Variants in STK31 observed in about 807,000 individuals in gnomAD.
STK31 encodes the protein serine/threonine-protein kinase 31.
STK31 carries 89 observed loss-of-function variants against 129.7 expected under a neutral mutation model. The observed-to-expected ratio is 0.69, with a 90% CI of 0.58 to 0.82. STK31 has a LOEUF of 0.82. Ranked by LOEUF, STK31 falls within the 40% of genes least tolerant of loss-of-function variation. The pLI, the probability that STK31 is intolerant of heterozygous loss-of-function variation, is 0.00. For synonymous variants in STK31, 448 were observed against 395.3 expected, an observed-to-expected ratio of 1.13 and a Z score of -1.58; for missense variants, 1,187 against 1,176.4, an observed-to-expected ratio of 1.01 and a Z score of -0.13.
chr7:23,767,530 C>G (rs1184872678), intron 11 of STK31, among the ~76,000 whole-genome samples: 28 of 152,206 alleles, frequency 1.8e-4, no homozygotes, highest in Admixed American at 1.8e-3. Context: ...TCTATTCCCT[C>G]TGCCTCAGCT....
intron 11 of STK31, among the ~76,000 whole-genome samples, chr7:23,765,025 A>G (rs1368031291): frequency 6.6e-6 from 1 of 151,716 alleles, no homozygotes; most frequent in African/African-American, 2.4e-5. Context: ...TAACACTGCA[A>G]CATCTTTTCT....
chr7:23,787,132 T>C (rs1259439745), intron 20 of STK31, among the ~76,000 whole-genome samples: 2 of 152,126 alleles, frequency 1.3e-5, no homozygotes, highest in Non-Finnish European at 2.9e-5. Context: ...TTGCACAGGG[T>C]CCGTTAGCCA....
chr7:23,812,576 A>G (rs991990509), intron 22 of STK31, among the ~76,000 whole-genome samples: 3 of 151,932 alleles, frequency 2.0e-5, no homozygotes, highest in Admixed American at 6.6e-5. Context: ...ACACAGGTAT[A>G]TTGTTTAATG....
intron 22 of STK31, among the ~76,000 whole-genome samples, chr7:23,796,206 C>A (rs998763443): frequency 2.0e-5 from 3 of 152,160 alleles, no homozygotes. Context: ...CCATACTGTT[C>A]TCATGACTTT....
chr7:23,774,127 C>T (rs1373421912), intron 15 of STK31, among the ~76,000 whole-genome samples: 1 of 152,126 alleles, frequency 6.6e-6, no homozygotes. Flanking sequence ...TTTTTTATGG[C>T]TGCATAGTAT....
intron 20 of STK31, among the ~76,000 whole-genome samples, chr7:23,787,324 T>G (rs1041594022): frequency 6.6e-5 from 10 of 152,180 alleles, no homozygotes; most frequent in African/African-American, 2.4e-4. Context: ...GAGGCCCTGA[T>G]TCTTCTTATG....
Position 23,762,802 on chromosome 7 carries a change from G to A in STK31, c.1295G>A (p.Ser432Asn). 1 of 1,609,970 alleles carries A rather than the reference G, an allele frequency of 6.2e-7. No homozygotes were observed. The highest frequency in any genetic ancestry group is 8.5e-7 in the Non-Finnish European group (1 of 1,178,698). The stretch of plus-strand genomic sequence containing the variant: ...GTTATTCTTTTTTTCTTCCTCCAGA[G>A]TGAAGGGAATATTTTGATTGCCCAA... ...QENIKTCEYVSEGNILIAQRN... is the reference protein window; with the variant it reads ...QENIKTCEYVNEGNILIAQRN... Residue 432 changes from serine to asparagine, a missense_variant and splice_region_variant, in exon 11 of 24, where the codon AGT (serine) becomes AAT (asparagine). Ser to Asn is a conservative substitution (Grantham distance 46). This residue lies in a region of STK31 where 975 missense variants were observed against 934.9 expected (regional missense o/e 1.04). Transcript: ENST00000355870.
intron 22 of STK31, among the ~76,000 whole-genome samples, chr7:23,797,788 A>G (rs941246444): frequency 5.1e-5 from 5 of 98,208 alleles, no homozygotes; most frequent in African/African-American, 1.9e-4. Context: ...AGCTGGAGAC[A>G]TGAAAAACCC....
At chr7:23,723,609 T>C (rs1411076871) in intron 4 of STK31, among the ~76,000 whole-genome samples, 1 of 152,244 alleles carries the variant, frequency 6.6e-6, no homozygotes, top group East Asian at 1.9e-4. Flanking sequence ...GATTATACTT[T>C]GTCAGTTTTC....
chr7:23,812,656 C>T (rs1014291187), intron 22 of STK31, among the ~76,000 whole-genome samples: 1 of 151,788 alleles, frequency 6.6e-6, no homozygotes, highest in African/African-American at 2.4e-5. Flanking sequence ...TCTCATACCC[C>T]ACCCCTTTCC....
chr7:23,780,021 A>G (rs1319629675), intron 15 of STK31, among the ~76,000 whole-genome samples: 1 of 152,186 alleles, frequency 6.6e-6, no homozygotes, highest in Non-Finnish European at 1.5e-5. Context: ...TTGGAAAAGC[A>G]TAGTATCTGG....
chr7:23,773,443 T>C (rs1397069122), intron 15 of STK31, among the ~76,000 whole-genome samples: 1 of 152,192 alleles, frequency 6.6e-6, no homozygotes, highest in Non-Finnish European at 1.5e-5. Context: ...ACTCAATCAT[T>C]GGTGGGCATT....
chr7:23,802,459 C>G (rs1321134460), intron 22 of STK31, among the ~76,000 whole-genome samples: 1 of 152,058 alleles, frequency 6.6e-6, no homozygotes, highest in East Asian at 1.9e-4. Context: ...TGTAAAGAGG[C>G]TTGGGGGAAG....
intron 22 of STK31, among the ~76,000 whole-genome samples, chr7:23,810,758 ATAT>A (rs1196834792): frequency 6.8e-5 from 9 of 131,636 alleles, no homozygotes; most frequent in Non-Finnish European, 1.1e-4. Context: ...TATATATAAT[ATAT>A]AATATATAAA....
At chr7:23,750,509 C>G (rs760584357) in intron 8 of STK31, among the ~76,000 whole-genome samples, 30 of 151,982 alleles carry the variant, frequency 2.0e-4, no homozygotes, top group Non-Finnish European at 3.5e-4. Context: ...ACCTGAAGTC[C>G]CCATATTATT....
At chr7:23,816,551 A>G (rs1358764556) in intron 23 of STK31, among the ~76,000 whole-genome samples, 1 of 152,194 alleles carries the variant, frequency 6.6e-6, no homozygotes, top group Admixed American at 6.5e-5. Flanking sequence ...TATGCCTCTA[A>G]CCTCACATGT....
In STK31 at chr7:23,809,195, C is replaced by G. The variant is rs528311432; in HGVS notation, c.2761-5949C>G. 8.0e-5 allele frequency among the ~76,000 whole-genome samples: 12 copies of G among 149,466 alleles called. No individual in the cohort carries two copies. In the South Asian group the frequency reaches 1.2e-3, roughly 14 times the overall value. Reference sequence around the variant, plus strand: ...GAGGAAAGGTTGATGTGAAATGTGACTACTCCTTGGCTGGAACCCCTTGCA... The same window carrying G: ...GAGGAAAGGTTGATGTGAAATGTGAGTACTCCTTGGCTGGAACCCCTTGCA... On this transcript the variant is annotated intron_variant, in intron 22 of 23. Coordinates refer to ENST00000355870, the MANE Select transcript of STK31 (RefSeq NM_031414.5).
chr7:23,778,886 C>T (rs1195796974), intron 15 of STK31, among the ~76,000 whole-genome samples: 1 of 152,032 alleles, frequency 6.6e-6, no homozygotes, highest in Admixed American at 6.6e-5. Context: ...CTGGCGAGGA[C>T]TTGTGATCCT....
At chr7:23,803,890 G>A (rs1050573365) in intron 22 of STK31, among the ~76,000 whole-genome samples, 2 of 152,082 alleles carry the variant, frequency 1.3e-5, no homozygotes, top group Non-Finnish European at 2.9e-5. Flanking sequence ...TTTGTATTAA[G>A]GTTCTTCACT....
Sources: gnomAD v4.1 joint callset for allele counts (sites outside exome capture counted in the v4.1 genomes callset) on GRCh38, gnomAD v4.1.1 for gene constraint, gnomAD v4.1.1 regional missense constraint, MANE v1.5 for transcripts, NCBI Gene and HGNC (gene_info 2026-07-23, HGNC 2026-07-21) for gene names.